The following SPIN1 variants were observed in gnomAD, a reference collection of about 807,000 sequenced individuals.
SPIN1 encodes spindlin-1.
SPIN1 carries 3 observed loss-of-function variants against 26.0 expected under a neutral mutation model. The observed-to-expected ratio is 0.12, with a 90% CI of 0.05 to 0.30. The LOEUF (loss-of-function observed/expected upper bound fraction) is 0.30. Ranked by LOEUF, SPIN1 falls within the 10% of genes least tolerant of loss-of-function variation. The pLI is 1.00. For synonymous variants in SPIN1, 101 were observed against 116.5 expected, an observed-to-expected ratio of 0.87 and a Z score of 0.86; for missense variants, 126 against 333.4, an observed-to-expected ratio of 0.38 and a Z score of 4.84.
At chr9:88,393,146 T>C (rs1826967575) in intron 1 of SPIN1, among the ~76,000 whole-genome samples, 1 of 151,424 alleles carries the variant, frequency 6.6e-6, no homozygotes, top group Admixed American at 6.6e-5. Context: ...TTTTTTTTTT[T>C]TTCCTGAAGG....
chr9:88,406,826 T>A (rs1827320824), intron 1 of SPIN1, among the ~76,000 whole-genome samples: 1 of 152,174 alleles, frequency 6.6e-6, no homozygotes, highest in Non-Finnish European at 1.5e-5. Context: ...TCTTTTACTA[T>A]CAAAATCTAA....
chr9:88,398,188 A>G (rs567802539), intron 1 of SPIN1, among the ~76,000 whole-genome samples: 8 of 151,266 alleles, frequency 5.3e-5, no homozygotes, highest in African/African-American at 7.3e-5. Context: ...CAGCCTCCCA[A>G]AGTGCTGCCT....
At chr9:88,403,386 G>A (rs890120094) in intron 1 of SPIN1, among the ~76,000 whole-genome samples, 1 of 152,098 alleles carries the variant, frequency 6.6e-6, no homozygotes, top group Non-Finnish European at 1.5e-5. Context: ...ATTATCTTAT[G>A]AGGGTGTGTT....
chr9:88,399,407 A>G (rs565113413), intron 1 of SPIN1, among the ~76,000 whole-genome samples: 1 of 152,182 alleles, frequency 6.6e-6, no homozygotes, highest in South Asian at 2.1e-4. Flanking sequence ...GTCATTTGAG[A>G]AAGGAAGATG....
At chr9:88,415,906 G>A (rs1393034783) in intron 1 of SPIN1, among the ~76,000 whole-genome samples, 2 of 142,414 alleles carry the variant, frequency 1.4e-5, no homozygotes, top group Non-Finnish European at 3.0e-5. Context: ...ACCATGCTCG[G>A]CTAATTTTTT....
chr9:88,456,766 C>T (rs1370690580), intron 3 of SPIN1, among the ~76,000 whole-genome samples: 1 of 151,970 alleles, frequency 6.6e-6, no homozygotes, highest in Admixed American at 6.6e-5. Flanking sequence ...GCACTAAACG[C>T]ATAAAAGACA....
intron 2 of SPIN1, among the ~76,000 whole-genome samples, chr9:88,435,006 C>T (rs899869879): frequency 1.3e-5 from 2 of 150,236 alleles, no homozygotes; most frequent in African/African-American, 2.5e-5. Context: ...GAGCCAAGAT[C>T]GCACCACTGC....
intron 2 of SPIN1, among the ~76,000 whole-genome samples, chr9:88,431,360 G>A (rs1165656866): frequency 6.7e-6 from 1 of 149,258 alleles, no homozygotes; most frequent in Non-Finnish European, 1.5e-5. Flanking sequence ...GCATGATCTC[G>A]GCTCATTGCA....
At chr9:88,469,772 G>A (rs1828739893) in intron 5 of SPIN1, among the ~76,000 whole-genome samples, 1 of 152,144 alleles carries the variant, frequency 6.6e-6, no homozygotes. Context: ...AGCTCAGGTA[G>A]TCCACCAGCC....
At chr9:88,436,027 C>T (rs1381218838) in intron 2 of SPIN1, among the ~76,000 whole-genome samples, 3 of 152,150 alleles carry the variant, frequency 2.0e-5, no homozygotes, top group African/African-American at 7.2e-5. Context: ...TACCCAGGTA[C>T]GAAGTTCAGA....
chr9:88,427,484 T>C (rs762671060), intron 2 of SPIN1, among the ~76,000 whole-genome samples: 1 of 152,186 alleles, frequency 6.6e-6, no homozygotes, highest in Non-Finnish European at 1.5e-5. Flanking sequence ...TTAAGGTATA[T>C]GAGAGCTTAC....
At chr9:88,405,638 G>A in intron 1 of SPIN1, among the ~76,000 whole-genome samples, 1 of 149,466 alleles carries the variant, frequency 6.7e-6, no homozygotes, top group Middle Eastern at 3.5e-3. Context: ...CCGCCTCCCG[G>A]GTTCAAGTGA....
chr9:88,413,738 G>A (rs1468377699), intron 1 of SPIN1, among the ~76,000 whole-genome samples: 1 of 151,998 alleles, frequency 6.6e-6, no homozygotes, highest in East Asian at 1.9e-4. Flanking sequence ...ATTGTGGGGT[G>A]GTCTTTGGCT....
chr9:88,453,416 C>T (rs1022649680), intron 3 of SPIN1, among the ~76,000 whole-genome samples: 9 of 152,140 alleles, frequency 5.9e-5, no homozygotes, highest in Admixed American at 2.6e-4. Flanking sequence ...CCTCTTCATG[C>T]CGCTGAATCC....
At chr9:88,395,104 G>A (rs1403307745) in intron 1 of SPIN1, among the ~76,000 whole-genome samples, 2 of 151,760 alleles carry the variant, frequency 1.3e-5, no homozygotes, top group Admixed American at 6.6e-5. Context: ...CACCGCGCCT[G>A]GCCTATTTAA....
chr9:88,472,842 T>C (rs1374929742), intron 5 of SPIN1, among the ~76,000 whole-genome samples: 1 of 152,228 alleles, frequency 6.6e-6, no homozygotes, highest in African/African-American at 2.4e-5. Flanking sequence ...TTTGATGCCA[T>C]TGTGCATATG....
At chr9:88,450,856 T>C (rs1263680756) in intron 3 of SPIN1, among the ~76,000 whole-genome samples, 1 of 152,136 alleles carries the variant, frequency 6.6e-6, no homozygotes, top group Non-Finnish European at 1.5e-5. Context: ...TATTAATATT[T>C]TTCACATGGA....
intron 2 of SPIN1, among the ~76,000 whole-genome samples, chr9:88,445,386 A>G (rs1828224782): frequency 6.6e-6 from 1 of 151,926 alleles, no homozygotes; most frequent in Non-Finnish European, 1.5e-5. Flanking sequence ...TCCACGTCTC[A>G]GTGCGTATGA....
At chr9:88,412,546 A>T (rs986087797) in intron 1 of SPIN1, among the ~76,000 whole-genome samples, 1 of 152,162 alleles carries the variant, frequency 6.6e-6, no homozygotes, top group African/African-American at 2.4e-5. Context: ...TGCCAGTTTT[A>T]TGAAACCTAT....
Sources: gnomAD v4.1 joint callset for allele counts (sites outside exome capture counted in the v4.1 genomes callset) on GRCh38, gnomAD v4.1.1 for gene constraint, MANE v1.5 for transcripts, NCBI Gene and HGNC (gene_info 2026-07-23, HGNC 2026-07-21) for gene names.